The following CUL4B variants were observed in gnomAD, a reference collection of about 807,000 sequenced individuals.
CUL4B encodes cullin-4B.
Under a neutral mutation model 69.2 loss-of-function variants are expected in CUL4B, and 1 was observed. That is an observed-to-expected ratio of 0.01 (90% CI 0.01 to 0.07). The LOEUF is 0.07. Among genes scored for constraint, CUL4B ranks in the 10% least tolerant of loss-of-function variants. The pLI, the probability that CUL4B is intolerant of heterozygous loss-of-function variation, is 1.00. For missense variants in CUL4B, 328 were observed against 638.8 expected, an observed-to-expected ratio of 0.51 and a Z score of 5.24; for synonymous variants, 237 against 223.2, an observed-to-expected ratio of 1.06 and a Z score of -0.55.
intron 2 of CUL4B, among the ~76,000 whole-genome samples, chrX:120,551,705 T>A (rs1026655634): frequency 8.9e-6 from 1 of 112,443 alleles, no homozygotes; most frequent in Non-Finnish European, 1.9e-5. Flanking sequence ...TTACTCTATG[T>A]GATGCATTCT....
At position 120,543,529 on chromosome X, in the gene CUL4B, CA is replaced by C. The variant is rs1569391359; in HGVS notation, c.1256+197del. Among the ~76,000 whole-genome samples, 64 of 92,783 alleles carry C rather than the reference CA, an allele frequency of 6.9e-4. No individual in the cohort carries two copies. The South Asian group carries it at 9.1e-3, about 13-fold the overall frequency. 80.6% of individuals were successfully genotyped at this position (92,783 alleles called of 115,157 possible). ...ACACACACACACACACACACACACA[CA>C]CACCCCTAATAATCGAATCCTTGGA... On this transcript the variant is annotated intron_variant, in intron 8 of 19. Coordinates refer to ENST00000371322, the MANE Select transcript of CUL4B (RefSeq NM_001079872.2).
Position 120,541,593 on chromosome X carries a change from T to G in CUL4B, c.1443+9A>C, listed in dbSNP as rs1923998999. The G allele has an allele frequency of 9.1e-7, 1 of 1,102,257 alleles. No individual in the cohort carries two copies. Among genetic ancestry groups the G allele is most frequent in the South Asian group, 1.8e-5 (1 of 54,682 alleles). 90.8% of individuals were successfully genotyped at this position (1,102,257 alleles called of 1,213,427 possible). On this transcript the variant is annotated intron_variant, in intron 10 of 19. Transcript: ENST00000371322. ...TAAGAGAGAAAAATCACAGGTAAAT[T>G]GTTAATACCTTGATATATTCGATCC...
At chrX:120,561,440 G>A (rs763436100), upstream of CUL4B, 6 of 541,964 alleles carry the variant, frequency 1.1e-5, no homozygotes, top group Non-Finnish European at 2.0e-5. Context: ...CAGGACTTGA[G>A]TGGGGGGGGG....
At chrX:120,534,446 G>T in intron 17 of CUL4B, 35 bp downstream of exon 17, 1 of 894,615 alleles carries the variant, frequency 1.1e-6, no homozygotes. Flanking sequence ...ACATAGTGGT[G>T]TGCACATAGT....
chrX:120,530,550 G>GT (rs989171280), intron 18 of CUL4B, among the ~76,000 whole-genome samples: 3 of 111,492 alleles, frequency 2.7e-5, no homozygotes, highest in Non-Finnish European at 3.8e-5. Flanking sequence ...TTACCATTTT[G>GT]TTTTTTTACT....
Position 120,526,465 on chromosome X carries a change from A to T in CUL4B, c.*296T>A, listed in dbSNP as rs1386061396. 8 of 214,946 alleles carry T rather than the reference A, an allele frequency of 3.7e-5. No homozygotes were observed. Among genetic ancestry groups the T allele is most frequent in the Non-Finnish European group, 6.9e-5 (8 of 115,390 alleles). 17.7% of individuals were successfully genotyped at this position (214,946 alleles called of 1,213,427 possible). Reference sequence around the variant, plus strand: ...TCCCCCCTTTTTAATAGCCACAGGGATCTCTTTCCCAGTTCCAAAGAGGAA... The same window carrying T: ...TCCCCCCTTTTTAATAGCCACAGGGTTCTCTTTCCCAGTTCCAAAGAGGAA... On this transcript the variant is annotated 3_prime_UTR_variant, in exon 20 of 20. Coordinates refer to ENST00000371322, the MANE Select transcript of CUL4B (RefSeq NM_001079872.2).
At chrX:120,559,698 A>G (rs1306078507) in intron 1 of CUL4B, 19 of 790,398 alleles carry the variant, frequency 2.4e-5, no homozygotes, top group Non-Finnish European at 3.2e-5. Context: ...CTACTGAAGC[A>G]TAAAAATAAA....
At chrX:120,574,327 A>C (rs1330475345) in intron 2 of CUL4B, among the ~76,000 whole-genome samples, 4 of 108,923 alleles carry the variant, frequency 3.7e-5, no homozygotes, top group African/African-American at 6.7e-5. Flanking sequence ...TCTCCTGCCT[A>C]AGCCTCCTGA....
chrX:120,541,924 T>C (rs1030717691), intron 9 of CUL4B, among the ~76,000 whole-genome samples: 1 of 110,527 alleles, frequency 9.0e-6, no homozygotes, highest in African/African-American at 3.3e-5. Flanking sequence ...ATAGAGACTT[T>C]AGTCGCTATA....
chrX:120,557,467 T>C (rs1041615760), intron 2 of CUL4B, among the ~76,000 whole-genome samples: 4 of 111,358 alleles, frequency 3.6e-5, no homozygotes, highest in African/African-American at 9.8e-5. Context: ...ATTAGAAAAA[T>C]GTAAAGAGCA....
intron 1 of CUL4B, among the ~76,000 whole-genome samples, chrX:120,558,348 T>C (rs1424697613): frequency 8.9e-6 from 1 of 112,219 alleles, no homozygotes; most frequent in East Asian, 2.8e-4. Context: ...CCTGATCTTA[T>C]TTCATCATGT....
Position 120,534,487 on chromosome X carries a change from C to T in CUL4B, c.2260G>A (p.Gly754Arg). ...ATTAATGTTTGCTACAAACCTATTC[C>T]AGTTGCCTGCTTGATCTCTTCTAAA... ...FSLEEIKQATGIEDGELRRTL... is the reference protein window; with the variant it reads ...FSLEEIKQATRIEDGELRRTL... The change falls in exon 17 of 20, where the codon GGA (glycine) becomes AGA (arginine). Residue 754 changes from glycine (G) to arginine (R), a missense_variant. Around this residue, in one of 4 missense-constraint regions of CUL4B, gnomAD observed 98 missense variants for 296.8 expected, o/e 0.33. Transcript: ENST00000371322. 2 of 1,180,866 alleles carry T rather than the reference C, an allele frequency of 1.7e-6. No individual in the cohort carries two copies. The highest frequency in any genetic ancestry group is 2.3e-6 in the Non-Finnish European group (2 of 867,506).
At position 120,547,174 on chromosome X, in the gene CUL4B, G is replaced by C; in HGVS notation, c.738C>G (p.Cys246Trp). The C allele has an allele frequency of 8.3e-7, 1 of 1,206,566 alleles. No homozygotes were observed. The highest frequency in any genetic ancestry group is 1.1e-6 in the Non-Finnish European group (1 of 891,301). ...GAATCTGTGCTTTGATGTGATCTTC[G>C]CAGATCTGTCTCAGCTGTTTGTACA... The part of the protein sequence containing the change: ...ANLYKQLRQI[C>W]EDHIKAQIHQ... The change falls in exon 3 of 20, where the codon TGC (cysteine) becomes TGG (tryptophan). Residue 246 changes from cysteine (C) to tryptophan (W), a missense_variant. This residue lies in a region of CUL4B where 126 missense variants were observed against 202.5 expected (regional missense o/e 0.62). Coordinates refer to ENST00000371322, the MANE Select transcript of CUL4B (RefSeq NM_001079872.2).
At chrX:120,527,461 A>G (rs772521398) in intron 19 of CUL4B, among the ~76,000 whole-genome samples, 56 of 109,361 alleles carry the variant, frequency 5.1e-4, no homozygotes, top group Non-Finnish European at 4.0e-4. Flanking sequence ...GCCCAGGCTG[A>G]CCTTAAACTC....
At chrX:120,566,573 T>G (rs1293354249), downstream of CUL4B, among the ~76,000 whole-genome samples, 2 of 105,465 alleles carry the variant, frequency 1.9e-5, no homozygotes, top group African/African-American at 6.9e-5. Flanking sequence ...AATTTTGTGT[T>G]TTTAGTAGAG....
chrX:120,562,048 G>A (rs144326802), upstream of CUL4B, among the ~76,000 whole-genome samples: 610 of 111,009 alleles, frequency 5.5e-3, 5 homozygotes, highest in African/African-American at 0.019. Context: ...TGTATTCTAA[G>A]GCGAAGAAAT....
chrX:120,561,327 C>G (rs775985918), upstream of CUL4B: 2 of 558,991 alleles, frequency 3.6e-6, no homozygotes, highest in Non-Finnish European at 6.6e-6. Context: ...CTCCCACTCC[C>G]TCCTTAACGG....
chrX:120,557,763 GAGAATAC>G (rs1273277791), intron 2 of CUL4B, among the ~76,000 whole-genome samples, 154 bp downstream of exon 2: 1 of 111,804 alleles, frequency 8.9e-6, no homozygotes, highest in Admixed American at 9.5e-5. Context: ...TGGTTTATGT[GAGAATAC>G]GTGGTCTAAT....
Position 120,526,787 on chromosome X carries a change from G to T in CUL4B, c.2662C>A (p.Pro888Thr). The T allele has an allele frequency of 8.4e-7, 1 of 1,191,967 alleles. No homozygotes were observed. Among genetic ancestry groups the T allele is most frequent in the South Asian group, 1.8e-5 (1 of 56,532 alleles). Residue 888 changes from proline (P) to threonine (T), a missense_variant, in exon 20 of 20, where the codon CCA (proline) becomes ACA (threonine). Around this residue, in one of 4 missense-constraint regions of CUL4B, gnomAD observed 98 missense variants for 296.8 expected, o/e 0.33. Transcript: ENST00000371322. ...TATGCAATATAGTTGTACTGGTTTG[G>T]ATTTTCTTTATCTCTTTCCATGTAG... ...RDYMERDKEN[P>T]NQYNYIA
Sources: gnomAD v4.1 joint callset for allele counts (sites outside exome capture counted in the v4.1 genomes callset) on GRCh38, gnomAD v4.1.1 for gene constraint, gnomAD v4.1.1 regional missense constraint, MANE v1.5 for transcripts, NCBI Gene and HGNC (gene_info 2026-07-23, HGNC 2026-07-21) for gene names.